The following RANBP9 variants were observed in gnomAD, a reference collection of about 807,000 sequenced individuals.
RANBP9 encodes the protein ran-binding protein 9.
In RANBP9, 15 loss-of-function variants were observed where a neutral mutation model predicts 84.3. That is an observed-to-expected ratio of 0.18 (90% CI 0.12 to 0.27). The LOEUF is 0.27. Ranked by LOEUF, RANBP9 falls within the 10% of genes least tolerant of loss-of-function variation. RANBP9 has a pLI of 1.00. For missense variants in RANBP9, 809 were observed against 912.8 expected (o/e 0.89, Z 1.46); for synonymous variants, 392 against 349.6 (o/e 1.12, Z -1.35).
chr6:13,633,544 A>G (rs1442539739), intron 11 of RANBP9, among the ~76,000 whole-genome samples: 1 of 152,190 alleles, frequency 6.6e-6, no homozygotes, highest in Non-Finnish European at 1.5e-5. Context: ...TGAGACACAG[A>G]GCAGTTAAGT....
At chr6:13,675,899 A>G (rs1262840401) in intron 2 of RANBP9, among the ~76,000 whole-genome samples, 1 of 152,040 alleles carries the variant, frequency 6.6e-6, no homozygotes, top group Non-Finnish European at 1.5e-5. Flanking sequence ...ATGGATTTCA[A>G]GGCAATTCCC....
intron 2 of RANBP9, among the ~76,000 whole-genome samples, chr6:13,689,802 C>T (rs189901297): frequency 5.3e-5 from 8 of 152,210 alleles, no homozygotes; most frequent in Non-Finnish European, 5.9e-5. Context: ...AAATTAATTA[C>T]TCTCTCCTCA....
Position 13,625,759 on chromosome 6 carries a change from T to G in RANBP9, c.1953A>C (p.Ala651=). 6.3e-7 allele frequency: 1 copy of G among 1,591,952 alleles called. No individual in the cohort carries two copies. The highest frequency in any genetic ancestry group is 2.2e-5 in the East Asian group (1 of 44,772). Residue 651 remains alanine (A), a synonymous_variant, in exon 13 of 14, where the codon GCA becomes GCC. Coordinates refer to ENST00000011619, the MANE Select transcript of RANBP9 (RefSeq NM_005493.3). ...GATCTGAATATGCTAGTAGACTGAA[T>G]GCATCCTGTTGAAAACACATCGATT... is the stretch of plus-strand genomic sequence containing the variant. ...NTANKKMLKD[A]FSLLAYSDPW...
At chr6:13,658,371 G>A (rs1384639747) in intron 3 of RANBP9, among the ~76,000 whole-genome samples, 1 of 152,218 alleles carries the variant, frequency 6.6e-6, no homozygotes, top group South Asian at 2.1e-4. Context: ...CAGTTTGGGA[G>A]GCCGAGGCAG....
In RANBP9 at chr6:13,637,792, C is replaced by A; in HGVS notation, c.1673+16G>T. On this transcript the variant is annotated intron_variant, in intron 10 of 13. Coordinates refer to ENST00000011619, the MANE Select transcript of RANBP9 (RefSeq NM_005493.3). ...AGGTTGCTTATATTAGTGCAAAAGTCAGTGAAATTACTTACCTGGTGAAGT... is the reference window on the plus strand; with the variant it reads ...AGGTTGCTTATATTAGTGCAAAAGTAAGTGAAATTACTTACCTGGTGAAGT... The A allele has an allele frequency of 6.4e-7, 1 of 1,565,700 alleles. No homozygotes were observed. The highest frequency in any genetic ancestry group is 1.2e-5 in the South Asian group (1 of 82,930).
chr6:13,683,366 A>G (rs541600047), intron 2 of RANBP9, among the ~76,000 whole-genome samples: 1 of 152,318 alleles, frequency 6.6e-6, no homozygotes, highest in Non-Finnish European at 1.5e-5. Flanking sequence ...TATGATTTCA[A>G]GTAATATATT....
chr6:13,688,968 G>A (rs1464979014), intron 2 of RANBP9, among the ~76,000 whole-genome samples: 15 of 112,948 alleles, frequency 1.3e-4, no homozygotes, highest in African/African-American at 5.0e-4. Flanking sequence ...GCAACATACC[G>A]AGACCCATCT....
At position 13,711,520 on chromosome 6, in the gene RANBP9, A is replaced by G. The variant is rs764230886; in HGVS notation, c.-15T>C. On this transcript the variant is annotated 5_prime_UTR_variant, in exon 1 of 14. Transcript: ENST00000011619. ...TGCCCGGACATCCCGGCCGCGACTC[A>G]GCCTGCGGCCACCTCCACCTCTTCT... 1.7e-5 allele frequency: 21 copies of G among 1,246,316 alleles called. No individual in the cohort carries two copies. The East Asian group carries it at 3.1e-4, about 19-fold the overall frequency. The allele number at this position is 1,246,316 out of a possible 1,614,324, so 77.2% of individuals were successfully genotyped here.
intron 5 of RANBP9, among the ~76,000 whole-genome samples, chr6:13,646,351 G>C (rs1210803922): frequency 1.3e-5 from 2 of 152,192 alleles, no homozygotes; most frequent in Non-Finnish European, 1.5e-5. Context: ...GGAGGTTCTG[G>C]TGAGCCGAGA....
At chr6:13,650,654 T>G (rs769890377) in intron 5 of RANBP9, among the ~76,000 whole-genome samples, 3 of 152,190 alleles carry the variant, frequency 2.0e-5, no homozygotes, top group Non-Finnish European at 2.9e-5. Flanking sequence ...GTATCAAACG[T>G]GCACGATGTA....
At position 13,633,037 on chromosome 6, in the gene RANBP9, A is replaced by AT. The variant is rs200169433; in HGVS notation, c.1796-517dup. On this transcript the variant is annotated intron_variant, in intron 11 of 13. Transcript: ENST00000011619. The stretch of plus-strand genomic sequence containing the variant: ...AGAAAAATACCACTTTGAAAAAATA[A>AT]TTTTTTTTTTTTTTGGATGGAGTCT... Among the ~76,000 whole-genome samples the AT allele has an allele frequency of 4.6e-3, 669 of 145,530 alleles. 5 individuals carry two copies. Among genetic ancestry groups the AT allele is most frequent in the African/African-American group, 0.013 (503 of 40,078 alleles).
intron 2 of RANBP9, among the ~76,000 whole-genome samples, chr6:13,676,517 C>A (rs1765888979): frequency 6.6e-6 from 1 of 151,938 alleles, no homozygotes; most frequent in African/African-American, 2.4e-5. Context: ...AAACTGCAGA[C>A]AAATATCTCT....
chr6:13,694,378 T>C (rs1766392655), intron 2 of RANBP9, among the ~76,000 whole-genome samples: 1 of 152,244 alleles, frequency 6.6e-6, no homozygotes, highest in East Asian at 1.9e-4. Flanking sequence ...TGTGTTATGC[T>C]AAGTGAAAGA....
Position 13,711,175 on chromosome 6 carries a change from C to G in RANBP9, c.331G>C (p.Gly111Arg). 7.0e-7 allele frequency: 1 copy of G among 1,420,864 alleles called. No homozygotes were observed. Among genetic ancestry groups the G allele is most frequent in the Non-Finnish European group, 9.2e-7 (1 of 1,091,302 alleles). 88.0% of individuals were successfully genotyped at this position (1,420,864 alleles called of 1,614,324 possible). A position where few individuals can be genotyped will look rare whatever the true frequency, so the allele number is the denominator to read the frequency against. The change falls in exon 1 of 14, where the codon GGC becomes CGC. Residue 111 changes from glycine (G) to arginine (R), a missense_variant. Coordinates refer to ENST00000011619, the MANE Select transcript of RANBP9 (RefSeq NM_005493.3). ...GPPAPPGLAAGPGPAGGAPTP... is the reference protein window; with the variant it reads ...GPPAPPGLAARPGPAGGAPTP... Reference sequence around the variant, plus strand: ...GGGGCTCCTCCAGCCGGGCCGGGGCCCGCTGCAAGGCCCGGGGGAGCGGGC... The same window carrying G: ...GGGGCTCCTCCAGCCGGGCCGGGGCGCGCTGCAAGGCCCGGGGGAGCGGGC...
intron 5 of RANBP9, 106 bp downstream of exon 5, chr6:13,652,553 A>G: frequency 1.8e-6 from 2 of 1,086,734 alleles, no homozygotes; most frequent in South Asian, 3.2e-5. Flanking sequence ...TAAACCTAAT[A>G]AATATCAATA....
chr6:13,684,592 T>C (rs115443055), intron 2 of RANBP9, among the ~76,000 whole-genome samples: 1,762 of 152,344 alleles, frequency 0.012, 30 homozygotes, highest in African/African-American at 0.04. Flanking sequence ...GTCACAAATT[T>C]GTGGTTTTAA....
At position 13,710,943 on chromosome 6, in the gene RANBP9, T is replaced by A. The variant is rs368120427; in HGVS notation, c.563A>T (p.His188Leu). 1 of 1,607,244 alleles carries A rather than the reference T, an allele frequency of 6.2e-7. No individual in the cohort carries two copies. The highest frequency in any genetic ancestry group is 1.3e-5 in the African/African-American group (1 of 74,546). Residue 188 changes from histidine (H) to leucine (L), a missense_variant, in exon 1 of 14, where the codon CAC becomes CTC. Physicochemically the swap from His to Leu is moderately conservative, Grantham distance 99. This residue lies in a region of RANBP9 where 56 missense variants were observed against 88.2 expected (regional missense o/e 0.63). Coordinates refer to ENST00000011619, the MANE Select transcript of RANBP9 (RefSeq NM_005493.3). Reference sequence around the variant, plus strand: ...GGACACACGCCCAGTACCTTTGTAGTGCACCCGCAGGTTGTTCTGAGAGAG... The same window carrying A: ...GGACACACGCCCAGTACCTTTGTAGAGCACCCGCAGGTTGTTCTGAGAGAG... ...IGLSQNNLRVHYKGHGKTPKD... is the reference protein window; with the variant it reads ...IGLSQNNLRVLYKGHGKTPKD...
At chr6:13,706,107 G>T (rs1014563665) in intron 1 of RANBP9, among the ~76,000 whole-genome samples, 18 of 152,104 alleles carry the variant, frequency 1.2e-4, no homozygotes, top group African/African-American at 4.1e-4. Flanking sequence ...ACTTTGGGAG[G>T]CCGAGGCGAG....
At chr6:13,660,326 T>C (rs553971816) in intron 2 of RANBP9, among the ~76,000 whole-genome samples, 73 of 152,148 alleles carry the variant, frequency 4.8e-4, no homozygotes, top group African/African-American at 1.5e-3. Flanking sequence ...CTGGGCAACA[T>C]TGGGAAACCT....
Sources: allele counts gnomAD v4.1 joint callset (sites outside exome capture counted in the v4.1 genomes callset), GRCh38; gene constraint gnomAD v4.1.1; regional missense constraint gnomAD v4.1.1; transcripts MANE v1.5; gene names NCBI Gene and HGNC (gene_info 2026-07-23, HGNC 2026-07-21).